Variants in DENND1B observed in about 807,000 individuals in gnomAD.
The protein encoded by DENND1B is DENN domain-containing protein 1B.
Under a neutral mutation model 90.1 loss-of-function variants are expected in DENND1B, and 59 were observed. The observed-to-expected ratio is 0.65, with a 90% CI of 0.53 to 0.81. The LOEUF (loss-of-function observed/expected upper bound fraction) is 0.81, where lower values mean the gene tolerates loss of function less well. Among genes scored for constraint, DENND1B ranks in the 40% least tolerant of loss-of-function variants. DENND1B has a pLI of 0.00. For missense variants in DENND1B, 862 were observed against 912.6 expected, an observed-to-expected ratio of 0.94 and a Z score of 0.71; for synonymous variants, 337 against 324.6, an observed-to-expected ratio of 1.04 and a Z score of -0.41.
chr1:197,536,160 T>TGAGATG lies in DENND1B; in HGVS notation c.1515+3803_1515+3804insCATCTC, dbSNP rs1553278763. On this transcript the variant is annotated intron_variant, in intron 20 of 22. Coordinates refer to ENST00000620048, the MANE Select transcript of DENND1B (RefSeq NM_001195215.2). ...AGATTGAGAGAGAGAGAGAGAGAGATAGATGAGATGAGATGAGATGAGATG... is the reference window on the plus strand; with the variant it reads ...AGATTGAGAGAGAGAGAGAGAGAGATGAGATGAGATGAGATGAGATGAGATGAGATG... Among the ~76,000 whole-genome samples the TGAGATG allele has an allele frequency of 6.0e-3, 759 of 126,252 alleles. 7 individuals are homozygous for TGAGATG. Among genetic ancestry groups the TGAGATG allele is most frequent in the African/African-American group, 0.021 (666 of 31,950 alleles). The allele number at this position is 126,252 out of a possible 152,430, so 82.8% of individuals were successfully genotyped here.
intron 13 of DENND1B, among the ~76,000 whole-genome samples, chr1:197,596,643 CAT>C (rs1379805333): frequency 1.3e-5 from 2 of 151,816 alleles, no homozygotes; most frequent in African/African-American, 4.8e-5. Context: ...CACATGCACA[CAT>C]ATACACACAC....
intron 20 of DENND1B, among the ~76,000 whole-genome samples, chr1:197,521,429 A>T (rs1446902665): frequency 2.6e-5 from 4 of 152,070 alleles, no homozygotes; most frequent in African/African-American, 7.2e-5. Context: ...TAGGCAGACG[A>T]ATGAGAAAAT....
chr1:197,511,598 T>G (rs1668032160), intron 22 of DENND1B, 130 bp downstream of exon 22: 3 of 486,272 alleles, frequency 6.2e-6, no homozygotes, highest in Non-Finnish European at 1.0e-5. Flanking sequence ...TTTATCATAT[T>G]TTTGAAGTTT....
chr1:197,569,343 C>T (rs972435739), intron 15 of DENND1B, among the ~76,000 whole-genome samples: 1 of 151,946 alleles, frequency 6.6e-6, no homozygotes, highest in African/African-American at 2.4e-5. Flanking sequence ...ATTAGTATAA[C>T]CATTATGGAA....
chr1:197,695,802 T>C (rs987104922), intron 3 of DENND1B, among the ~76,000 whole-genome samples: 6 of 151,180 alleles, frequency 4.0e-5, no homozygotes, highest in African/African-American at 1.5e-4. Flanking sequence ...ATTTTCAGAG[T>C]ATTAGAATTT....
At chr1:197,650,670 G>A (rs867378171) in intron 7 of DENND1B, among the ~76,000 whole-genome samples, 2 of 152,028 alleles carry the variant, frequency 1.3e-5, no homozygotes, top group Non-Finnish European at 2.9e-5. Flanking sequence ...ATATATGATG[G>A]AATACTACTC....
intron 10 of DENND1B, among the ~76,000 whole-genome samples, chr1:197,624,985 C>T (rs1678532226): frequency 6.6e-6 from 1 of 151,500 alleles, no homozygotes; most frequent in Admixed American, 6.6e-5. Context: ...TAAAAAGAAA[C>T]AAACAAAGCC....
At chr1:197,693,728 G>C (rs901372945) in intron 3 of DENND1B, among the ~76,000 whole-genome samples, 3 of 151,242 alleles carry the variant, frequency 2.0e-5, no homozygotes, top group African/African-American at 7.3e-5. Context: ...GTTTCTCCTA[G>C]CTTTTCTTTG....
the DENND1B span, among the ~76,000 whole-genome samples, chr1:197,781,293 A>G: frequency 6.6e-6 from 1 of 152,234 alleles, no homozygotes; most frequent in African/African-American, 2.4e-5. Flanking sequence ...GTTGTAGCTA[A>G]CATGTATCCA....
intron 2 of DENND1B, among the ~76,000 whole-genome samples, chr1:197,731,985 C>A (rs1662197153): frequency 6.6e-6 from 1 of 152,174 alleles, no homozygotes. Context: ...TTCGCTATCA[C>A]TTTATTCATC....
intron 3 of DENND1B, among the ~76,000 whole-genome samples, chr1:197,676,060 A>C (rs1656033348): frequency 7.7e-6 from 1 of 129,908 alleles, no homozygotes; most frequent in South Asian, 2.8e-4. Context: ...AGGTCTATAG[A>C]CTAGTGTATA....
intron 1 of DENND1B, among the ~76,000 whole-genome samples, chr1:197,774,184 C>T (rs1336994609): frequency 6.6e-6 from 1 of 152,178 alleles, no homozygotes; most frequent in Non-Finnish European, 1.5e-5. Flanking sequence ...ATGTCAAACA[C>T]ACTGAAGAAA....
At chr1:197,664,108 T>G (rs1355893039) in intron 5 of DENND1B, among the ~76,000 whole-genome samples, 1 of 151,970 alleles carries the variant, frequency 6.6e-6, no homozygotes, top group African/African-American at 2.4e-5. Flanking sequence ...AGTCTTTATT[T>G]TGTGGTTTCT....
At chr1:197,701,242 T>C (rs1169781103) in intron 3 of DENND1B, among the ~76,000 whole-genome samples, 1 of 152,204 alleles carries the variant, frequency 6.6e-6, no homozygotes, top group Non-Finnish European at 1.5e-5. Context: ...TGGAATACTA[T>C]ACTGCCATAC....
At position 197,636,569 on chromosome 1, in the gene DENND1B, G is replaced by A. The variant is rs565426042; in HGVS notation, c.672+6142C>T. 5.9e-5 allele frequency among the ~76,000 whole-genome samples: 9 copies of A among 152,140 alleles called. 1 individual carries two copies. Among genetic ancestry groups the A allele is most frequent in the African/African-American group, 2.2e-4 (9 of 41,500 alleles). On this transcript the variant is annotated intron_variant, in intron 10 of 22. Transcript: ENST00000620048. ...ATCCACATTTTCATCTGTCTACCGT[G>A]GATAACAACTGTACCTACCACATAA...
chr1:197,736,270 G>A (rs1048130835), intron 2 of DENND1B, among the ~76,000 whole-genome samples: 1 of 152,046 alleles, frequency 6.6e-6, no homozygotes, highest in Non-Finnish European at 1.5e-5. Context: ...TTTTGAGTCA[G>A]AGATAACATA....
At chr1:197,626,114 G>A (rs1158104599) in intron 10 of DENND1B, among the ~76,000 whole-genome samples, 7 of 152,026 alleles carry the variant, frequency 4.6e-5, no homozygotes, top group Middle Eastern at 3.4e-3. Flanking sequence ...ACAGATCAAC[G>A]AGACAGAAAG....
chr1:197,688,187 A>G (rs1304203932), intron 3 of DENND1B, among the ~76,000 whole-genome samples: 3 of 152,146 alleles, frequency 2.0e-5, no homozygotes. Context: ...AATAAATAAA[A>G]AGACATCCCA....
At chr1:197,512,661 A>C (rs1668111983) in intron 21 of DENND1B, among the ~76,000 whole-genome samples, 1 of 151,608 alleles carries the variant, frequency 6.6e-6, no homozygotes, top group African/African-American at 2.4e-5. Flanking sequence ...ATTGCTTTCC[A>C]AGAACAAGAT....
Sources: gnomAD v4.1 joint callset for allele counts (sites outside exome capture counted in the v4.1 genomes callset) on GRCh38, gnomAD v4.1.1 for gene constraint, MANE v1.5 for transcripts, NCBI Gene and HGNC (gene_info 2026-07-23, HGNC 2026-07-21) for gene names.